TRIO: variants seen among roughly 807,000 people sequenced by gnomAD.
TRIO encodes triple functional domain protein.
In TRIO, 58 loss-of-function variants were observed where a neutral mutation model predicts 351.9. That is an observed-to-expected ratio of 0.16 (90% CI 0.13 to 0.21). TRIO has a LOEUF of 0.21. Ranked by LOEUF, TRIO falls within the 10% of genes least tolerant of loss-of-function variation. The pLI is 1.00. For missense variants in TRIO, 3,201 were observed against 4,027.8 expected, an observed-to-expected ratio of 0.79 and a Z score of 5.56; for synonymous variants, 1,758 against 1,595.7, an observed-to-expected ratio of 1.10 and a Z score of -2.42.
chr5:14,289,159 G>A (rs1457752720), intron 4 of TRIO, among the ~76,000 whole-genome samples: 3 of 152,130 alleles, frequency 2.0e-5, no homozygotes, highest in East Asian at 1.9e-4. Flanking sequence ...AGGCCGAGGC[G>A]GGCGGATCAC....
chr5:14,168,520 C>T (rs1788914556), intron 1 of TRIO, among the ~76,000 whole-genome samples: 1 of 152,224 alleles, frequency 6.6e-6, no homozygotes, highest in East Asian at 1.9e-4. Context: ...AGTTGATTTT[C>T]AGGAGGATTG....
At chr5:14,465,829 A>G (rs764151662) in intron 37 of TRIO, 189 bp downstream of exon 37, 6 of 619,354 alleles carry the variant, frequency 9.7e-6, no homozygotes, top group Middle Eastern at 5.1e-4. Context: ...CAGGAAAGCC[A>G]TTATTCCCAC....
intron 41 of TRIO, among the ~76,000 whole-genome samples, chr5:14,478,229 T>C (rs1755236475): frequency 6.6e-6 from 1 of 152,220 alleles, no homozygotes; most frequent in South Asian, 2.1e-4. Context: ...ACTCCCTGGT[T>C]GAGTTTTAAT....
intron 7 of TRIO, among the ~76,000 whole-genome samples, chr5:14,298,212 A>G (rs1196401624): frequency 6.6e-6 from 1 of 152,222 alleles, no homozygotes; most frequent in African/African-American, 2.4e-5. Flanking sequence ...AGTAATGGGT[A>G]ATATATGCCC....
chr5:14,286,804 G>A lies in TRIO; in HGVS notation c.348-67G>A. On this transcript the variant is annotated intron_variant, in intron 3 of 56. Transcript: ENST00000344204. This position sits in a 1 kb window ranked among gnomAD's most constrained non-coding sequence, Gnocchi z 4.4. Reference sequence around the variant, plus strand: ...GGAAGCTGGGTCTGTGGCACCCAGTGGGACTCTGACCAGGCAGAGTGGCAA... The same window carrying A: ...GGAAGCTGGGTCTGTGGCACCCAGTAGGACTCTGACCAGGCAGAGTGGCAA... The A allele has an allele frequency of 6.5e-7, 1 of 1,537,338 alleles. No individual in the cohort carries two copies. The highest frequency in any genetic ancestry group is 8.8e-7 in the Non-Finnish European group (1 of 1,137,276).
chr5:14,488,168 C>A lies in TRIO; in HGVS notation c.7540C>A (p.Pro2514Thr). The change falls in exon 48 of 57, where the codon CCC (proline) becomes ACC (threonine). Residue 2514 changes from proline to threonine, a missense_variant. Coordinates refer to ENST00000344204, the MANE Select transcript of TRIO (RefSeq NM_007118.4). ...GDSDSLQRQT[P>T]RHAAPGKDTD... ...CAGCGACTCCCTCCAGCGGCAGACA[C>A]CCCGCCACGCGGCCCCTGGCAAGGA... 6.2e-7 allele frequency: 1 copy of A among 1,603,616 alleles called. No homozygotes were observed. The highest frequency in any genetic ancestry group is 8.5e-7 in the Non-Finnish European group (1 of 1,179,258).
chr5:14,303,074 TGGA>T (rs1738044182), intron 7 of TRIO, among the ~76,000 whole-genome samples: 1 of 142,764 alleles, frequency 7.0e-6, no homozygotes, highest in South Asian at 2.3e-4. Context: ...GGGGTGTCAG[TGGA>T]GGAGATTGAG....
At position 14,485,131 on chromosome 5, in the gene TRIO, G is replaced by A. The variant is rs1036524419; in HGVS notation, c.6720G>A (p.Ser2240=). The change falls in exon 47 of 57, where the codon TCG becomes TCA. Residue 2240 remains serine, a synonymous_variant. Coordinates refer to ENST00000344204, the MANE Select transcript of TRIO (RefSeq NM_007118.4). ...ENDPCKFALT[S]RTGDVVETFI... is the part of the protein sequence containing the mutation. The stretch of plus-strand genomic sequence containing the variant: ...ATCCCTGTAAATTTGCTCTGACATC[G>A]AGGACGGGTGACGTGGTAGAGACCT... The A allele has an allele frequency of 5.7e-6, 9 of 1,588,034 alleles. No individual in the cohort carries two copies. The highest frequency in any genetic ancestry group is 4.5e-5 in the East Asian group (2 of 44,190).
At chr5:14,464,092 C>G (rs1296452688) in intron 36 of TRIO, among the ~76,000 whole-genome samples, 1 of 152,046 alleles carries the variant, frequency 6.6e-6, no homozygotes, top group African/African-American at 2.4e-5. Context: ...GGAGAAGGAA[C>G]AGGGAGCCTG....
At chr5:14,429,160 A>C (rs993454606) in intron 34 of TRIO, among the ~76,000 whole-genome samples, 2 of 152,178 alleles carry the variant, frequency 1.3e-5, no homozygotes, top group African/African-American at 4.8e-5. Flanking sequence ...GAAAATGAGT[A>C]AGTGGCGTTC....
rs1453186887 is a variant in TRIO, at chr5:14,497,764, CAAT to C, written c.8020-79_8020-77del. On this transcript the variant is annotated intron_variant, in intron 50 of 56. Coordinates refer to ENST00000344204, the MANE Select transcript of TRIO (RefSeq NM_007118.4). The surrounding 1 kb of genome is among the most constrained non-coding windows in gnomAD (Gnocchi z 4.4). ...AAGTCAGTTTCTGCAAATCTTTCAA[CAAT>C]AATTGTAGCCCTGGAATGAAAGGAA... 7.0e-6 allele frequency: 11 copies of C among 1,569,402 alleles called. No individual in the cohort carries two copies.
chr5:14,391,423 G>A (rs1747075358), intron 27 of TRIO, among the ~76,000 whole-genome samples: 1 of 152,068 alleles, frequency 6.6e-6, no homozygotes, highest in Admixed American at 6.5e-5. Flanking sequence ...ATTTCATGAT[G>A]TTACGAATTT....
intron 34 of TRIO, among the ~76,000 whole-genome samples, chr5:14,454,745 A>G (rs1753129836): frequency 6.6e-6 from 1 of 152,244 alleles, no homozygotes; most frequent in Non-Finnish European, 1.5e-5. Flanking sequence ...TTGCCCAGCT[A>G]GGAAAATGTT....
chr5:14,397,896 T>A (rs1316241792), intron 29 of TRIO, among the ~76,000 whole-genome samples: 1 of 152,152 alleles, frequency 6.6e-6, no homozygotes, highest in Non-Finnish European at 1.5e-5. Flanking sequence ...GGACCCAGGC[T>A]GTGTTCCAGC....
intron 55 of TRIO, 60 bp from the exon 56 acceptor site, chr5:14,507,062 G>T (rs1757739224): frequency 7.9e-6 from 12 of 1,513,534 alleles, no homozygotes; most frequent in Non-Finnish European, 1.1e-5. Flanking sequence ...CTTCTTACTA[G>T]CCCAAAGAGG....
chr5:14,400,884 A>G, intron 30 of TRIO, 79 bp from the exon 31 acceptor site: 1 of 1,379,884 alleles, frequency 7.2e-7, no homozygotes, highest in Non-Finnish European at 1.0e-6. Context: ...AAGTAACCAA[A>G]ACCTGTTTCC....
At chr5:14,468,621 C>A (rs1186674090) in intron 37 of TRIO, among the ~76,000 whole-genome samples, 1 of 152,242 alleles carries the variant, frequency 6.6e-6, no homozygotes, top group East Asian at 1.9e-4. Flanking sequence ...TAGTTTTTGT[C>A]AGAAAACACT....
intron 6 of TRIO, among the ~76,000 whole-genome samples, chr5:14,293,573 G>T (rs559687593): frequency 5.9e-5 from 9 of 152,314 alleles, no homozygotes; most frequent in Admixed American, 5.9e-4. Context: ...TTCTCCTGAG[G>T]CATGAGATTT....
At chr5:14,407,895 T>G (rs1748862272) in intron 33 of TRIO, among the ~76,000 whole-genome samples, 1 of 152,212 alleles carries the variant, frequency 6.6e-6, no homozygotes, top group Non-Finnish European at 1.5e-5. Flanking sequence ...TTCTGTTACA[T>G]TACTAGAATG....
Sources: gnomAD v4.1 joint callset for allele counts (sites outside exome capture counted in the v4.1 genomes callset) on GRCh38, gnomAD v4.1.1 for gene constraint, Gnocchi (gnomAD v3.1) non-coding constraint, MANE v1.5 for transcripts, NCBI Gene and HGNC (gene_info 2026-07-23, HGNC 2026-07-21) for gene names.